Variants in CDH6 observed in about 807,000 individuals in gnomAD.
The protein encoded by CDH6 is cadherin 6, also known as cadherin-6.
Under a neutral mutation model 78.0 loss-of-function variants are expected in CDH6, and 31 were observed. The ratio of observed to expected loss-of-function variants is 0.40; its 90% CI spans 0.30 to 0.54. The LOEUF (loss-of-function observed/expected upper bound fraction) is 0.54, where lower values mean the gene tolerates loss of function less well. Ranked by LOEUF, CDH6 falls within the 20% of genes least tolerant of loss-of-function variation. The pLI is 0.56. For synonymous variants in CDH6, 376 were observed against 368.8 expected (o/e 1.02, Z -0.23); for missense variants, 724 against 975.9 (o/e 0.74, Z 3.44).
chr5:31,312,333 G>T (rs979406084), intron 7 of CDH6, among the ~76,000 whole-genome samples: 2 of 152,166 alleles, frequency 1.3e-5, no homozygotes, highest in Non-Finnish European at 2.9e-5. Context: ...TGGCAGCACC[G>T]TTCAACCATT....
chr5:31,296,916 T>A (rs971460982), intron 3 of CDH6, among the ~76,000 whole-genome samples: 1 of 152,114 alleles, frequency 6.6e-6, no homozygotes, highest in Non-Finnish European at 1.5e-5. Context: ...TGGCCCCTGA[T>A]TGGACAATTC....
intron 1 of CDH6, among the ~76,000 whole-genome samples, chr5:31,254,737 T>C (rs1742008277): frequency 6.6e-6 from 1 of 152,234 alleles, no homozygotes; most frequent in African/African-American, 2.4e-5. Context: ...TCCAAAAGAT[T>C]ACAAACTTAT....
In CDH6 at chr5:31,317,443, GGCCCCTGAA is replaced by G. The variant is rs764447949; in HGVS notation, c.1584_1592del (p.Pro529_Ala531del). On this transcript the variant is annotated inframe_deletion, in exon 10 of 12. Coordinates refer to ENST00000265071, the MANE Select transcript of CDH6 (RefSeq NM_004932.4). ...GTGGACACCAATTTTCGTTTTCCTT[GGCCCCTGAA>G]GCAGCCAGTGGCTCAAACTTTACCA... 6 of 1,613,202 alleles carry G rather than the reference GGCCCCTGAA, an allele frequency of 3.7e-6. No individual in the cohort carries two copies. The highest frequency in any genetic ancestry group is 5.1e-6 in the Non-Finnish European group (6 of 1,179,340).
chr5:31,302,899 G>GAA (rs1202118631), intron 6 of CDH6, among the ~76,000 whole-genome samples: 3 of 104,520 alleles, frequency 2.9e-5, no homozygotes, highest in Non-Finnish European at 4.1e-5. Flanking sequence ...AAGAAAGAAA[G>GAA]AAAAAAAGAA....
At chr5:31,207,834 G>A (rs1019189349) in intron 1 of CDH6, among the ~76,000 whole-genome samples, 1 of 152,140 alleles carries the variant, frequency 6.6e-6, no homozygotes, top group South Asian at 2.1e-4. Flanking sequence ...AGAAGATTGG[G>A]GCCAGCCTTC....
intron 1 of CDH6, among the ~76,000 whole-genome samples, chr5:31,215,186 G>A (rs545555528): frequency 6.6e-6 from 1 of 152,220 alleles, no homozygotes; most frequent in Non-Finnish European, 1.5e-5. Flanking sequence ...ATATCACATA[G>A]ATACTACATT....
At chr5:31,198,801 A>G (rs1740240871) in intron 1 of CDH6, among the ~76,000 whole-genome samples, 2 of 152,160 alleles carry the variant, frequency 1.3e-5, no homozygotes, top group Admixed American at 1.3e-4. Flanking sequence ...CCACCTTATA[A>G]ACATAATTAC....
intron 2 of CDH6, among the ~76,000 whole-genome samples, chr5:31,285,281 T>A (rs952034811): frequency 1.3e-5 from 2 of 152,204 alleles, no homozygotes; most frequent in Non-Finnish European, 2.9e-5. Context: ...CCATGCCATG[T>A]GCTCATATCG....
At chr5:31,233,653 G>C (rs1045930394) in intron 1 of CDH6, among the ~76,000 whole-genome samples, 8 of 152,152 alleles carry the variant, frequency 5.3e-5, no homozygotes, top group African/African-American at 1.9e-4. Context: ...ACCATTGAAA[G>C]TTTCTTTCCT....
chr5:31,286,566 G>A (rs575602497), intron 2 of CDH6, among the ~76,000 whole-genome samples: 10 of 152,158 alleles, frequency 6.6e-5, no homozygotes, highest in East Asian at 1.9e-4. Flanking sequence ...AGGGGAGAAC[G>A]ATGGCTGATG....
At chr5:31,219,654 G>C (rs1320287945) in intron 1 of CDH6, among the ~76,000 whole-genome samples, 1 of 152,068 alleles carries the variant, frequency 6.6e-6, no homozygotes, top group Non-Finnish European at 1.5e-5. Flanking sequence ...CTATTCATTT[G>C]TTTATTTGTA....
intron 2 of CDH6, among the ~76,000 whole-genome samples, chr5:31,274,296 A>G (rs1420378806): frequency 6.6e-6 from 1 of 152,192 alleles, no homozygotes; most frequent in African/African-American, 2.4e-5. Context: ...CTATAGCAGC[A>G]ATTTTCTGGC....
At chr5:31,296,254 G>T (rs1488265929) in intron 3 of CDH6, among the ~76,000 whole-genome samples, 1 of 152,116 alleles carries the variant, frequency 6.6e-6, no homozygotes, top group Non-Finnish European at 1.5e-5. Context: ...CAGCCATTAA[G>T]TGATCTTAAT....
At position 31,324,069 on chromosome 5, in the gene CDH6, A is replaced by G. The variant is rs1696543100; in HGVS notation, c.*761A>G. The G allele has an allele frequency of 4.5e-6, 1 of 223,994 alleles. No individual in the cohort carries two copies. Among genetic ancestry groups the G allele is most frequent in the African/African-American group, 2.2e-5 (1 of 44,922 alleles). The allele number at this position is 223,994 out of a possible 1,614,324, so 13.9% of individuals were successfully genotyped here. On this transcript the variant is annotated 3_prime_UTR_variant, in exon 12 of 12. Coordinates refer to ENST00000265071, the MANE Select transcript of CDH6 (RefSeq NM_004932.4). ...AAATAGCTAATAATGTTAACCAAGG[A>G]AATATATTTTACCATACATTTAAAG...
intron 1 of CDH6, among the ~76,000 whole-genome samples, chr5:31,216,165 T>C (rs911252344): frequency 2.4e-4 from 37 of 152,076 alleles, no homozygotes; most frequent in Non-Finnish European, 3.5e-4. Context: ...TTAGGGTCTG[T>C]TCTAAAAAAT....
intron 2 of CDH6, among the ~76,000 whole-genome samples, chr5:31,269,387 T>C (rs1742458914): frequency 6.6e-6 from 1 of 151,994 alleles, no homozygotes. Context: ...TGGGGAAAAG[T>C]TACAAGCTGT....
intron 1 of CDH6, among the ~76,000 whole-genome samples, chr5:31,230,124 A>G (rs1361868051): frequency 6.6e-6 from 1 of 152,242 alleles, no homozygotes; most frequent in Non-Finnish European, 1.5e-5. Flanking sequence ...TCTTTGGCAC[A>G]GAAAGAGCCC....
At chr5:31,295,335 T>TCTC (rs915086119) in intron 3 of CDH6, among the ~76,000 whole-genome samples, 1 of 152,094 alleles carries the variant, frequency 6.6e-6, no homozygotes, top group Non-Finnish European at 1.5e-5. Flanking sequence ...GAAAAAAATT[T>TCTC]CTCCTCTACG....
chr5:31,249,559 C>T (rs542236020), intron 1 of CDH6: 24 of 152,324 alleles, frequency 1.6e-4, no homozygotes, highest in African/African-American at 4.6e-4. Flanking sequence ...TCACAGAGAC[C>T]AAACCATTTC....
Sources: gnomAD v4.1 joint callset for allele counts (sites outside exome capture counted in the v4.1 genomes callset) on GRCh38, gnomAD v4.1.1 for gene constraint, MANE v1.5 for transcripts, NCBI Gene and HGNC (gene_info 2026-07-23, HGNC 2026-07-21) for gene names.